IQCM: variants seen among roughly 807,000 people sequenced by gnomAD.
IQCM encodes the protein IQ domain-containing protein M.
A neutral mutation model predicts 57.6 loss-of-function variants in IQCM; 45 were observed. That is an observed-to-expected ratio of 0.78 (90% CI 0.62 to 1.00). The LOEUF is 1.00. IQCM is among the 50% of genes least tolerant of loss of function. The pLI, the probability that IQCM is intolerant of heterozygous loss-of-function variation, is 0.00. For synonymous variants in IQCM, 148 were observed against 158.9 expected (o/e 0.93, Z 0.51); for missense variants, 468 against 511.6 (o/e 0.91, Z 0.82).
chr4:149,687,632 G>C (rs1288240144), intron 5 of IQCM, among the ~76,000 whole-genome samples: 1 of 151,302 alleles, frequency 6.6e-6, no homozygotes, highest in Non-Finnish European at 1.5e-5. Context: ...ACAAAACCAG[G>C]AAAGGACATA....
At chr4:149,383,691 C>T (rs1179384208) in intron 13 of IQCM, among the ~76,000 whole-genome samples, 6 of 152,020 alleles carry the variant, frequency 3.9e-5, no homozygotes, top group East Asian at 3.9e-4. Flanking sequence ...TGGTGGCTTA[C>T]GTCTGTAATC....
At chr4:149,419,066 C>T (rs1733949510) in intron 13 of IQCM, among the ~76,000 whole-genome samples, 1 of 151,990 alleles carries the variant, frequency 6.6e-6, no homozygotes, top group Non-Finnish European at 1.5e-5. Context: ...CCATACTGCC[C>T]AAAGTAATTT....
chr4:149,420,680 C>T (rs1479379053), intron 13 of IQCM, among the ~76,000 whole-genome samples: 1 of 151,930 alleles, frequency 6.6e-6, no homozygotes, highest in Non-Finnish European at 1.5e-5. Flanking sequence ...TTACCTCAAA[C>T]TTAAAACAAG....
intron 5 of IQCM, among the ~76,000 whole-genome samples, chr4:149,722,627 T>C (rs2149858590): frequency 6.6e-6 from 1 of 152,186 alleles, no homozygotes; most frequent in South Asian, 2.1e-4. Context: ...CTGGGTCCTC[T>C]ATTCTGTTCT....
At chr4:149,535,192 T>C (rs1431926002) in intron 12 of IQCM, among the ~76,000 whole-genome samples, 1 of 152,054 alleles carries the variant, frequency 6.6e-6, no homozygotes, top group Admixed American at 6.6e-5. Context: ...CTGTAGCAAT[T>C]TATAGGACTC....
rs1037930759 is a variant in IQCM at position 149,459,299 on chromosome 4, C to T, written c.1229-25742G>A. Among the ~76,000 whole-genome samples, 4 of 152,340 alleles carry T rather than the reference C, an allele frequency of 2.6e-5. No homozygotes were observed. The East Asian group carries it at 7.7e-4, about 29-fold the overall frequency. On this transcript the variant is annotated intron_variant, in intron 12 of 13. Coordinates refer to ENST00000636793, the MANE Select transcript of IQCM (RefSeq NM_001363507.2). Reference sequence around the variant, plus strand: ...AGATGTGTCTCTCAGCCATTCACTTCTGCCTTGCCAGTGCCTGGCACTTGG... The same window carrying T: ...AGATGTGTCTCTCAGCCATTCACTTTTGCCTTGCCAGTGCCTGGCACTTGG...
chr4:149,648,131 T>C (rs568302007), intron 7 of IQCM, among the ~76,000 whole-genome samples: 1 of 152,312 alleles, frequency 6.6e-6, no homozygotes, highest in East Asian at 1.9e-4. Flanking sequence ...TCTCATTTAT[T>C]TATTTAAACA....
intron 12 of IQCM, among the ~76,000 whole-genome samples, chr4:149,532,278 G>A (rs1406233182): frequency 3.9e-5 from 6 of 152,148 alleles, no homozygotes; most frequent in Non-Finnish European, 5.9e-5. Context: ...CAAAGGCAAT[G>A]CTGGTATGAT....
chr4:149,417,499 T>C (rs1256908601), intron 13 of IQCM, among the ~76,000 whole-genome samples: 2 of 152,156 alleles, frequency 1.3e-5, no homozygotes, highest in African/African-American at 2.4e-5. Context: ...TATTTCTGGG[T>C]GTCACCTTAT....
At chr4:149,763,355 A>AT (rs1337151901) in intron 2 of IQCM, among the ~76,000 whole-genome samples, 2 of 152,110 alleles carry the variant, frequency 1.3e-5, no homozygotes, top group African/African-American at 2.4e-5. Flanking sequence ...ACAGAGTATT[A>AT]TTTTTTTGCA....
chr4:149,356,755 A>T (rs530073313), intron 13 of IQCM, among the ~76,000 whole-genome samples: 71 of 152,250 alleles, frequency 4.7e-4, no homozygotes, highest in African/African-American at 1.6e-3. Flanking sequence ...TATGAACTTT[A>T]AAGTAGTTTT....
chr4:149,662,907 T>C (rs1309134974), intron 7 of IQCM, among the ~76,000 whole-genome samples: 1 of 151,990 alleles, frequency 6.6e-6, no homozygotes, highest in Admixed American at 6.6e-5. Flanking sequence ...ACATTCTACA[T>C]TATTATTGAT....
Position 149,765,103 on chromosome 4 carries a change from A to T in IQCM, c.-48-22364T>A, listed in dbSNP as rs552790268. Among the ~76,000 whole-genome samples, 17 of 152,098 alleles carry T rather than the reference A, an allele frequency of 1.1e-4. No homozygotes were observed. The East Asian group carries it at 2.7e-3, about 24-fold the overall frequency. Reference sequence around the variant, plus strand: ...AAACATAGAAAAATTACCAAAAAAAATTTCTTTATGAACTATCCTTGAAAA... The same window carrying T: ...AAACATAGAAAAATTACCAAAAAAATTTTCTTTATGAACTATCCTTGAAAA... On this transcript the variant is annotated intron_variant, in intron 2 of 13. Transcript: ENST00000636793.
chr4:149,591,601 T>C (rs1041990304), intron 8 of IQCM, among the ~76,000 whole-genome samples: 8 of 151,520 alleles, frequency 5.3e-5, no homozygotes, highest in African/African-American at 1.7e-4. Flanking sequence ...ATCCCTCCCC[T>C]CTCCTCCCAC....
chr4:149,543,992 T>C (rs185927672), intron 12 of IQCM, among the ~76,000 whole-genome samples: 1 of 152,256 alleles, frequency 6.6e-6, no homozygotes, highest in Admixed American at 6.5e-5. Flanking sequence ...TAAAGAATTG[T>C]TTAAATTTGC....
intron 13 of IQCM, among the ~76,000 whole-genome samples, chr4:149,392,706 G>C (rs1731952030): frequency 6.6e-6 from 1 of 151,930 alleles, no homozygotes; most frequent in Admixed American, 6.6e-5. Context: ...GCAAATCTTT[G>C]CCAAGGGATT....
At chr4:149,520,018 A>G (rs551155787) in intron 12 of IQCM, among the ~76,000 whole-genome samples, 1 of 152,236 alleles carries the variant, frequency 6.6e-6, no homozygotes, top group East Asian at 1.9e-4. Flanking sequence ...GAAAACAAAA[A>G]CAAAAATAAA....
At chr4:149,609,943 C>G (rs1755132149) in intron 8 of IQCM, among the ~76,000 whole-genome samples, 1 of 151,838 alleles carries the variant, frequency 6.6e-6, no homozygotes, top group African/African-American at 2.4e-5. Flanking sequence ...GTCAAATTAT[C>G]CTAGTTTGCA....
intron 12 of IQCM, chr4:149,514,689 C>T (rs1744761001): frequency 6.6e-6 from 1 of 152,304 alleles, no homozygotes. Context: ...ATGGTTAATA[C>T]TGAGTGTCAA....
Sources: allele counts gnomAD v4.1 joint callset (sites outside exome capture counted in the v4.1 genomes callset), GRCh38; gene constraint gnomAD v4.1.1; transcripts MANE v1.5; gene names NCBI Gene and HGNC (gene_info 2026-07-23, HGNC 2026-07-21).